KDM3A: variants seen among roughly 807,000 people sequenced by gnomAD.
KDM3A encodes lysine demethylase 3A.
A neutral mutation model predicts 158.0 loss-of-function variants in KDM3A; 60 were observed. That is an observed-to-expected ratio of 0.38 (90% CI 0.31 to 0.47). The LOEUF (loss-of-function observed/expected upper bound fraction) is 0.47, where lower values mean the gene tolerates loss of function less well. Ranked by LOEUF, KDM3A falls within the 20% of genes least tolerant of loss-of-function variation. The probability of loss-of-function intolerance (pLI) is 0.99; values close to 1 mark genes in which losing one functional copy is unlikely to be tolerated. For missense variants in KDM3A, 1,319 were observed against 1,574.3 expected, an observed-to-expected ratio of 0.84 and a Z score of 2.74; for synonymous variants, 608 against 549.3, an observed-to-expected ratio of 1.11 and a Z score of -1.49.
chr2:86,475,095 T>C (rs1558623645), intron 12 of KDM3A, 105 bp downstream of exon 12: 4 of 901,810 alleles, frequency 4.4e-6, no homozygotes, highest in Admixed American at 2.2e-5. Context: ...CCCAGAAGTT[T>C]AGATAACTTT....
chr2:86,479,767 C>T (rs923109631), intron 15 of KDM3A: 26 of 158,206 alleles, frequency 1.6e-4, no homozygotes, highest in East Asian at 3.7e-4. Context: ...CTGAAATCAC[C>T]GCTTTACCTT....
intron 5 of KDM3A, among the ~76,000 whole-genome samples, 189 bp from the exon 6 acceptor site, chr2:86,456,253 A>G (rs1672690547): frequency 1.3e-5 from 2 of 152,120 alleles, no homozygotes; most frequent in Admixed American, 1.3e-4. Flanking sequence ...GGTCCGATAC[A>G]AAATAAAAAG....
chr2:86,461,536 C>T (rs184155907), intron 8 of KDM3A, among the ~76,000 whole-genome samples: 6 of 152,136 alleles, frequency 3.9e-5, no homozygotes, highest in African/African-American at 9.7e-5. Flanking sequence ...TAACAGTGGG[C>T]GCAACAGCAG....
At chr2:86,474,702 T>TGTGC in intron 11 of KDM3A, 74 bp from the exon 12 acceptor site, 1 of 401,062 alleles carries the variant, frequency 2.5e-6, no homozygotes, top group Non-Finnish European at 4.2e-6. Flanking sequence ...GTAAATAAGT[T>TGTGC]GTGTGTGTGT....
At chr2:86,451,497 A>T (rs1672468398) in intron 4 of KDM3A, among the ~76,000 whole-genome samples, 1 of 152,234 alleles carries the variant, frequency 6.6e-6, no homozygotes, top group Admixed American at 6.5e-5. Flanking sequence ...ATGTTATTAA[A>T]ATCATAAGCA....
At chr2:86,469,734 A>G (rs1488748538) in intron 10 of KDM3A, among the ~76,000 whole-genome samples, 2 of 152,154 alleles carry the variant, frequency 1.3e-5, no homozygotes, top group African/African-American at 4.8e-5. Context: ...GTTTATTGTT[A>G]TTTTTAGAAT....
chr2:86,489,186 A>T, intron 21 of KDM3A, 132 bp from the exon 22 acceptor site: 1 of 1,078,532 alleles, frequency 9.3e-7, no homozygotes, highest in Non-Finnish European at 1.3e-6. Context: ...TTTTTTTGCA[A>T]TAATTTGATC....
chr2:86,460,541 G>A (rs928419946), intron 8 of KDM3A, among the ~76,000 whole-genome samples: 2 of 152,152 alleles, frequency 1.3e-5, no homozygotes, highest in Non-Finnish European at 2.9e-5. Flanking sequence ...TAGAAGACAG[G>A]CATTTGGGAC....
At position 86,484,066 on chromosome 2, in the gene KDM3A, A is replaced by C. The variant is rs746122212; in HGVS notation, c.3002A>C (p.Glu1001Ala). 5 of 1,613,906 alleles carry C rather than the reference A, an allele frequency of 3.1e-6. No homozygotes were observed. Among genetic ancestry groups the C allele is most frequent in the Non-Finnish European group, 4.2e-6 (5 of 1,179,904 alleles). Residue 1001 changes from glutamate (E) to alanine (A), a missense_variant, in exon 19 of 26, where the codon GAG becomes GCG. Transcript: ENST00000312912. ...KPESFRKEFG[E>A]QEVDLVNCRT... ...GAATCCTTCAGGAAAGAGTTTGGTG[A>C]GCAGGAAGTAGACCTAGTTAATTGT...
chr2:86,473,287 G>C (rs761684617), intron 11 of KDM3A, among the ~76,000 whole-genome samples: 2 of 152,094 alleles, frequency 1.3e-5, no homozygotes, highest in African/African-American at 2.4e-5. Context: ...CAGCTTCCCA[G>C]GTAGCTAGGA....
intron 2 of KDM3A, among the ~76,000 whole-genome samples, chr2:86,447,410 A>G (rs1683000627): frequency 6.6e-6 from 1 of 150,604 alleles, no homozygotes; most frequent in Admixed American, 6.6e-5. Context: ...GATGTTGCTT[A>G]AGTTTTGGGA....
At chr2:86,476,944 A>G (rs1279089505) in intron 12 of KDM3A, among the ~76,000 whole-genome samples, 1 of 152,184 alleles carries the variant, frequency 6.6e-6, no homozygotes, top group Non-Finnish European at 1.5e-5. Context: ...TTCAGGAGAG[A>G]GAGAGACTGA....
At position 86,464,194 on chromosome 2, in the gene KDM3A, C is replaced by G. The variant is rs759960433; in HGVS notation, c.985C>G (p.Leu329Val). The change falls in exon 9 of 26, where the codon CTT becomes GTT. Residue 329 changes from leucine to valine, a missense_variant. Physicochemically the swap from Leu to Val is conservative, Grantham distance 32. Transcript: ENST00000312912. ...CCAGGCTGCCAACTCTCCACCTAAC[C>G]TTGGAGCAAAAATTCCTCAAGGGTG... ...TPQAANSPPN[L>V]GAKIPQGCHK... 35 of 1,602,600 alleles carry G rather than the reference C, an allele frequency of 2.2e-5. No homozygotes were observed. The South Asian group carries it at 2.8e-4, about 13-fold the overall frequency.
At chr2:86,482,889 A>C (rs1351882750) in intron 18 of KDM3A, 195 bp downstream of exon 18, 1 of 575,838 alleles carries the variant, frequency 1.7e-6, no homozygotes, top group Admixed American at 3.3e-5. Context: ...CCTAAGCTGG[A>C]CTTTTCCAGT....
intron 16 of KDM3A, 142 bp from the exon 17 acceptor site, chr2:86,481,784 CATAT>C (rs1276238730): frequency 5.0e-5 from 31 of 622,776 alleles, no homozygotes; most frequent in Non-Finnish European, 5.9e-5. Context: ...CTAAGTAAAT[CATAT>C]CATTCATACT....
chr2:86,474,678 A>AT, intron 11 of KDM3A, 98 bp from the exon 12 acceptor site: 1 of 704,752 alleles, frequency 1.4e-6, no homozygotes. Context: ...AAAAAAAAAA[A>AT]GTAATTACAA....
chr2:86,447,916 A>T (rs1683020770), intron 2 of KDM3A, among the ~76,000 whole-genome samples: 1 of 152,198 alleles, frequency 6.6e-6, no homozygotes, highest in Non-Finnish European at 1.5e-5. Context: ...TTTGAGGTTG[A>T]TGTGAATATG....
chr2:86,465,136 A>G (rs1673080161), intron 9 of KDM3A, among the ~76,000 whole-genome samples: 1 of 152,228 alleles, frequency 6.6e-6, no homozygotes, highest in Admixed American at 6.5e-5. Context: ...ATAATAGAAA[A>G]AAAGGACTTT....
At chr2:86,442,318 G>A (rs1682761574) in intron 2 of KDM3A, 85 bp downstream of exon 2, 1 of 1,287,354 alleles carries the variant, frequency 7.8e-7, no homozygotes, top group African/African-American at 1.5e-5. Context: ...TCCGTTTTCT[G>A]AAAACGGAGA....
Sources: gnomAD v4.1 joint callset for allele counts (sites outside exome capture counted in the v4.1 genomes callset) on GRCh38, gnomAD v4.1.1 for gene constraint, MANE v1.5 for transcripts, NCBI Gene and HGNC (gene_info 2026-07-23, HGNC 2026-07-21) for gene names.